SLC24A4: variants seen among roughly 807,000 people sequenced by gnomAD.
The protein encoded by SLC24A4 is sodium/potassium/calcium exchanger 4.
Under a neutral mutation model 79.0 loss-of-function variants are expected in SLC24A4, and 53 were observed. That is an observed-to-expected ratio of 0.67 (90% CI 0.54 to 0.84). The LOEUF (loss-of-function observed/expected upper bound fraction) is 0.84, where lower values mean the gene tolerates loss of function less well. Ranked by LOEUF, SLC24A4 falls within the 40% of genes least tolerant of loss-of-function variation. SLC24A4 has a pLI of 0.00. For missense variants in SLC24A4, 731 were observed against 822.0 expected (o/e 0.89, Z 1.35); for synonymous variants, 323 against 323.8 (o/e 1.00, Z 0.03).
chr14:92,435,890 G>C (rs1892139073), intron 3 of SLC24A4, among the ~76,000 whole-genome samples: 1 of 152,060 alleles, frequency 6.6e-6, no homozygotes, highest in Non-Finnish European at 1.5e-5. Context: ...TGGCTAATTG[G>C]TCCCACAGTT....
chr14:92,349,154 TG>T (rs1886719263), intron 2 of SLC24A4, among the ~76,000 whole-genome samples: 1 of 150,376 alleles, frequency 6.6e-6, no homozygotes, highest in Non-Finnish European at 1.5e-5. Flanking sequence ...ATAATAAAAG[TG>T]ACTGGAAGAT....
intron 2 of SLC24A4, among the ~76,000 whole-genome samples, chr14:92,379,752 C>T (rs913016456): frequency 6.6e-6 from 1 of 152,090 alleles, no homozygotes; most frequent in African/African-American, 2.4e-5. Flanking sequence ...GGCCAACAGT[C>T]ATGCTTGAAA....
rs568582324 is a variant in SLC24A4, at chr14:92,398,830, C to T, written c.242-35082C>T. Among the ~76,000 whole-genome samples the T allele has an allele frequency of 3.9e-5, 6 of 152,326 alleles. No individual in the cohort carries two copies. In the East Asian group the frequency reaches 7.7e-4, roughly 20 times the overall value. On this transcript the variant is annotated intron_variant, in intron 2 of 16. Transcript: ENST00000532405. This position sits in a 1 kb window ranked among gnomAD's most constrained non-coding sequence, Gnocchi z 4.1. ...ATGGAGTCTCTACAGAAGGGACATT[C>T]GTCTTCCCTTTGGGGTGGCACCCTT...
chr14:92,406,364 G>A (rs1271677396), intron 2 of SLC24A4, among the ~76,000 whole-genome samples: 2 of 152,188 alleles, frequency 1.3e-5, no homozygotes, highest in Non-Finnish European at 2.9e-5. Context: ...TCTGGGGTCT[G>A]GAGGATGGTG....
At chr14:92,425,792 A>G (rs1891530092) in intron 2 of SLC24A4, among the ~76,000 whole-genome samples, 1 of 152,122 alleles carries the variant, frequency 6.6e-6, no homozygotes, top group Non-Finnish European at 1.5e-5. Context: ...CCAGCTTGGG[A>G]AACATAGTGA....
intron 2 of SLC24A4, among the ~76,000 whole-genome samples, chr14:92,371,533 A>G (rs1888154190): frequency 1.3e-5 from 2 of 152,216 alleles, no homozygotes; most frequent in African/African-American, 2.4e-5. Flanking sequence ...ACCTGGTCCT[A>G]ATCAGTTTTT....
chr14:92,381,582 A>G (rs564483351), intron 2 of SLC24A4, among the ~76,000 whole-genome samples: 3 of 152,326 alleles, frequency 2.0e-5, no homozygotes, highest in African/African-American at 4.8e-5. Flanking sequence ...ATTCAGTTCT[A>G]TGTATCCTAG....
chr14:92,450,848 C>G (rs968615890), intron 10 of SLC24A4: 12 of 152,700 alleles, frequency 7.9e-5, no homozygotes, highest in Admixed American at 6.5e-4. Flanking sequence ...TCCCAGGACC[C>G]TGCAGGAAAC....
chr14:92,383,761 T>A (rs1158267492), intron 2 of SLC24A4, among the ~76,000 whole-genome samples: 3 of 150,724 alleles, frequency 2.0e-5, no homozygotes, highest in Non-Finnish European at 4.4e-5. Flanking sequence ...TGAGAGATGC[T>A]TCCCAGACAT....
chr14:92,465,308 C>T (rs1894042596), intron 12 of SLC24A4, among the ~76,000 whole-genome samples: 1 of 152,214 alleles, frequency 6.6e-6, no homozygotes, highest in Non-Finnish European at 1.5e-5. Context: ...CCTAGTGCCA[C>T]ACCATCAAGA....
intron 14 of SLC24A4, among the ~76,000 whole-genome samples, chr14:92,489,486 C>G (rs546024964): frequency 6.6e-6 from 1 of 152,274 alleles, no homozygotes; most frequent in South Asian, 2.1e-4. Context: ...CTGTTCAGAG[C>G]CTGCTGTACA....
intron 2 of SLC24A4, among the ~76,000 whole-genome samples, chr14:92,340,192 C>A (rs1232894280): frequency 6.6e-6 from 1 of 152,232 alleles, no homozygotes; most frequent in Admixed American, 6.5e-5. Flanking sequence ...CCAAAGTATG[C>A]ACCCAGCAGG....
chr14:92,449,134 C>A lies in SLC24A4; in HGVS notation c.798C>A (p.Asn266Lys). ...TVKQKSIANG[N>K]PVNSELEAGN... Reference sequence around the variant, plus strand: ...AACAAAAGAGCATTGCAAACGGTAACCCGGTCAACAGTGAGCTGGAGGCTG... The same window carrying A: ...AACAAAAGAGCATTGCAAACGGTAAACCGGTCAACAGTGAGCTGGAGGCTG... The change falls in exon 10 of 17, where the codon AAC (asparagine) becomes AAA (lysine). Residue 266 changes from asparagine (N) to lysine (K), a missense_variant. Asn to Lys is a moderately conservative substitution (Grantham distance 94). Transcript: ENST00000532405. The A allele has an allele frequency of 6.2e-7, 1 of 1,614,184 alleles. No individual in the cohort carries two copies.
At chr14:92,352,891 C>T (rs17128196) in intron 2 of SLC24A4, among the ~76,000 whole-genome samples, 3,773 of 152,218 alleles carry the variant, frequency 0.025, 161 homozygotes, top group African/African-American at 0.085. Flanking sequence ...GGAATAAGTC[C>T]AGTTGTCTGA....
At chr14:92,391,949 A>G (rs915648040) in intron 2 of SLC24A4, among the ~76,000 whole-genome samples, 5 of 152,126 alleles carry the variant, frequency 3.3e-5, no homozygotes, top group African/African-American at 1.2e-4. Context: ...AGAGACTCCA[A>G]GTGAGAACCA....
In SLC24A4 at chr14:92,323,475, G is replaced by A; in HGVS notation, c.-356G>A. On this transcript the variant is annotated 5_prime_UTR_variant, in exon 1 of 17. Coordinates refer to ENST00000532405, the MANE Select transcript of SLC24A4 (RefSeq NM_153646.4). The surrounding 1 kb of genome is among the most constrained non-coding windows in gnomAD (Gnocchi z 4.9). ...GCTGCTGCCAGGGCTGTGGCCGGGC[G>A]AGCCGGCCGAAGCGGAGCGGGCAGG... 6.2e-6 allele frequency: 1 copy of A among 160,204 alleles called. No homozygotes were observed. The highest frequency in any genetic ancestry group is 1.4e-5 in the Non-Finnish European group (1 of 73,360). 9.9% of individuals were successfully genotyped at this position (160,204 alleles called of 1,614,324 possible). A position where few individuals can be genotyped will look rare whatever the true frequency, so the allele number is the denominator to read the frequency against.
chr14:92,378,075 C>T (rs1376544855), intron 2 of SLC24A4, among the ~76,000 whole-genome samples: 1 of 152,128 alleles, frequency 6.6e-6, no homozygotes, highest in African/African-American at 2.4e-5. Flanking sequence ...TGCTTGCAGT[C>T]GGCTGCCTTC....
chr14:92,379,714 G>A (rs926950014), intron 2 of SLC24A4, among the ~76,000 whole-genome samples: 1 of 152,124 alleles, frequency 6.6e-6, no homozygotes, highest in Non-Finnish European at 1.5e-5. Flanking sequence ...TGCCCAGTCT[G>A]ATGGAGCTCG....
intron 2 of SLC24A4, among the ~76,000 whole-genome samples, chr14:92,408,834 G>A (rs1260252107): frequency 1.3e-5 from 2 of 152,178 alleles, no homozygotes; most frequent in African/African-American, 4.8e-5. Flanking sequence ...TTGAAGTAGG[G>A]CAGATTTATT....
Sources: allele counts gnomAD v4.1 joint callset (sites outside exome capture counted in the v4.1 genomes callset), GRCh38; gene constraint gnomAD v4.1.1; non-coding constraint Gnocchi (gnomAD v3.1); transcripts MANE v1.5; gene names NCBI Gene and HGNC (gene_info 2026-07-23, HGNC 2026-07-21).